BRIP1: variants seen among roughly 807,000 people sequenced by gnomAD.
The protein encoded by BRIP1 is BRCA1 interacting DNA helicase 1, also known as Fanconi anemia group J protein.
BRIP1 carries 88 observed loss-of-function variants against 119.7 expected under a neutral mutation model. The ratio of observed to expected loss-of-function variants is 0.74; its 90% CI spans 0.62 to 0.88. The LOEUF (loss-of-function observed/expected upper bound fraction) is 0.88, where lower values mean the gene tolerates loss of function less well. BRIP1 is among the 40% of genes least tolerant of loss of function. The pLI, the probability that BRIP1 is intolerant of heterozygous loss-of-function variation, is 0.00. For missense variants in BRIP1, 1,259 were observed against 1,455.4 expected, an observed-to-expected ratio of 0.87 and a Z score of 2.20; for synonymous variants, 443 against 496.5, an observed-to-expected ratio of 0.89 and a Z score of 1.43.
chr17:61,778,995 G>C lies in BRIP1; in HGVS notation c.1935+1266C>G, dbSNP rs2077574889. On this transcript the variant is annotated intron_variant, in intron 13 of 19. Transcript: ENST00000259008. The surrounding 1 kb of genome is among the most constrained non-coding windows in gnomAD (Gnocchi z 4.4). ...CATTAACCACAGCTTAACATCACCT[G>C]TGTGCCTAACCACTTTAAAATATTT... is the stretch of plus-strand genomic sequence containing the variant. Among the ~76,000 whole-genome samples the C allele has an allele frequency of 6.6e-6, 1 of 152,158 alleles. No homozygotes were observed.
At chr17:61,850,104 CTT>C (rs144151549) in intron 4 of BRIP1, among the ~76,000 whole-genome samples, 9 of 139,856 alleles carry the variant, frequency 6.4e-5, no homozygotes, top group East Asian at 2.1e-4. Context: ...TTTTAACCAT[CTT>C]TTTTTTTTTT....
rs1043037195 is a variant in BRIP1 at position 61,846,526 on chromosome 17, A to G, written c.627+575T>C. ...CTCAGCCTCCCAAGTAGCTGGGACT[A>G]CAAGTGTGCACCACAACACCCGGCT... On this transcript the variant is annotated intron_variant, in intron 6 of 19. Transcript: ENST00000259008. This position sits in a 1 kb window ranked among gnomAD's most constrained non-coding sequence, Gnocchi z 4.3. Among the ~76,000 whole-genome samples the G allele has an allele frequency of 6.6e-6, 1 of 151,952 alleles. No homozygotes were observed. The highest frequency in any genetic ancestry group is 2.4e-5 in the African/African-American group (1 of 41,372).
In BRIP1 at chr17:61,755,186, G is replaced by A. The variant is rs542838050; in HGVS notation, c.2098-10595C>T. 7.7e-4 allele frequency among the ~76,000 whole-genome samples: 117 copies of A among 152,240 alleles called. 1 individual carries two copies. Among genetic ancestry groups the A allele is most frequent in the African/African-American group, 2.6e-3 (106 of 41,542 alleles). ...TTTTATAAATGAATGAAAAATGAAG[G>A]TCCAAAACAATGGAAGGTCAGGGAG... On this transcript the variant is annotated intron_variant, in intron 14 of 19. Coordinates refer to ENST00000259008, the MANE Select transcript of BRIP1 (RefSeq NM_032043.3). This position sits in a 1 kb window ranked among gnomAD's most constrained non-coding sequence, Gnocchi z 4.5.
intron 14 of BRIP1, among the ~76,000 whole-genome samples, chr17:61,765,851 A>ACACT (rs1332231747): frequency 2.0e-5 from 3 of 151,688 alleles, no homozygotes; most frequent in African/African-American, 7.3e-5. Context: ...ACACACACAC[A>ACACT]CACACACACA....
At position 61,683,370 on chromosome 17, in the gene BRIP1, T is replaced by G. The variant is rs781140410; in HGVS notation, c.3676A>C (p.Thr1226Pro). ...TWINELELGKTHEIEIKNFKP... is the reference protein window; with the variant it reads ...TWINELELGKPHEIEIKNFKP... Reference sequence around the variant, plus strand: ...AAGTTCTTTATTTCTATTTCATGAGTTTTTCCCAGTTCCAGTTCATTTATC... The same window carrying G: ...AAGTTCTTTATTTCTATTTCATGAGGTTTTCCCAGTTCCAGTTCATTTATC... Residue 1226 changes from threonine (T) to proline (P), a missense_variant, in exon 20 of 20, where the codon ACT (threonine) becomes CCT (proline). Around this residue, in one of 3 missense-constraint regions of BRIP1, gnomAD observed 753 missense variants for 891.8 expected, o/e 0.84. Transcript: ENST00000259008. The surrounding 1 kb of genome is among the most constrained non-coding windows in gnomAD (Gnocchi z 4.7). The G allele has an allele frequency of 5.6e-6, 9 of 1,612,286 alleles. No homozygotes were observed. The highest frequency in any genetic ancestry group is 5.5e-5 in the South Asian group (5 of 90,646).
Position 61,842,004 on chromosome 17 carries a change from A to G in BRIP1, c.627+5097T>C, listed in dbSNP as rs2078664975. Among the ~76,000 whole-genome samples, 1 of 152,180 alleles carries G rather than the reference A, an allele frequency of 6.6e-6. No individual in the cohort carries two copies. Among genetic ancestry groups the G allele is most frequent in the Non-Finnish European group, 1.5e-5 (1 of 68,024 alleles). On this transcript the variant is annotated intron_variant, in intron 6 of 19. Transcript: ENST00000259008. This position sits in a 1 kb window ranked among gnomAD's most constrained non-coding sequence, Gnocchi z 5.1. ...CCAACACCATGTTTATTGCAGCGCT[A>G]TTCATAATAGACAAGGAGTTGGCAT...
rs2077083972 is a variant in BRIP1 at position 61,748,154 on chromosome 17, A to G, written c.2098-3563T>C. Among the ~76,000 whole-genome samples, 1 of 152,204 alleles carries G rather than the reference A, an allele frequency of 6.6e-6. No homozygotes were observed. Among genetic ancestry groups the G allele is most frequent in the Admixed American group, 6.5e-5 (1 of 15,276 alleles). ...TGAGTGAGCATTACTGCCTGAGCTCAGTCTCCTGTCAGATCAGCAGCAGCA... is the reference window on the plus strand; with the variant it reads ...TGAGTGAGCATTACTGCCTGAGCTCGGTCTCCTGTCAGATCAGCAGCAGCA... On this transcript the variant is annotated intron_variant, in intron 14 of 19. Coordinates refer to ENST00000259008, the MANE Select transcript of BRIP1 (RefSeq NM_032043.3). The surrounding 1 kb of genome is among the most constrained non-coding windows in gnomAD (Gnocchi z 4.7).
rs2061444042 is a variant in BRIP1 at position 61,691,283 on chromosome 17, AT to A, written c.2575+2146del. On this transcript the variant is annotated intron_variant, in intron 18 of 19. Coordinates refer to ENST00000259008, the MANE Select transcript of BRIP1 (RefSeq NM_032043.3). The surrounding 1 kb of genome is among the most constrained non-coding windows in gnomAD (Gnocchi z 5.0). The stretch of plus-strand genomic sequence containing the variant: ...AAAAAACTCAAACCAGGGAAAAAAA[AT>A]AGCATCAAAAATAATAAAATACCTA... Among the ~76,000 whole-genome samples the A allele has an allele frequency of 2.0e-5, 3 of 152,110 alleles. No homozygotes were observed. The highest frequency in any genetic ancestry group is 3.4e-3 in the Middle Eastern group (1 of 294).
At chr17:61,836,043 C>T (rs907992564) in intron 6 of BRIP1, among the ~76,000 whole-genome samples, 1 of 149,274 alleles carries the variant, frequency 6.7e-6, no homozygotes, top group African/African-American at 2.5e-5. Context: ...TAAGGGAGAA[C>T]ATTTTAATTT....
At chr17:61,711,300 G>A (rs924904546) in intron 17 of BRIP1, among the ~76,000 whole-genome samples, 1 of 151,880 alleles carries the variant, frequency 6.6e-6, no homozygotes, top group Non-Finnish European at 1.5e-5. Context: ...CTTATTTTCC[G>A]CAAATTGAGT....
Position 61,740,471 on chromosome 17 carries a change from A to G in BRIP1, c.2379+2542T>C, listed in dbSNP as rs1320977273. Among the ~76,000 whole-genome samples the G allele has an allele frequency of 1.3e-5, 2 of 152,170 alleles. No individual in the cohort carries two copies. The highest frequency in any genetic ancestry group is 2.9e-5 in the Non-Finnish European group (2 of 68,026). ...ACTCCTGTTGACCAAAGACAGTATA[A>G]GTTGAAAATAAAATAAAATCTGTAT... On this transcript the variant is annotated intron_variant, in intron 16 of 19. Coordinates refer to ENST00000259008, the MANE Select transcript of BRIP1 (RefSeq NM_032043.3). This position sits in a 1 kb window ranked among gnomAD's most constrained non-coding sequence, Gnocchi z 5.4.
At chr17:61,731,987 T>TC (rs555691921) in intron 16 of BRIP1, among the ~76,000 whole-genome samples, 19 of 136,046 alleles carry the variant, frequency 1.4e-4, no homozygotes, top group Non-Finnish European at 2.4e-4. Context: ...CTTTCTTTTT[T>TC]TTTTTTTTTT....
At chr17:61,765,379 T>TTATATA (rs1287538931) in intron 14 of BRIP1, among the ~76,000 whole-genome samples, 64 of 37,740 alleles carry the variant, frequency 1.7e-3, no homozygotes, top group Non-Finnish European at 2.1e-3. Flanking sequence ...TGTGTATATA[T>TTATATA]TATATATATA....
At position 61,760,342 on chromosome 17, in the gene BRIP1, A is replaced by G. The variant is rs2077260916; in HGVS notation, c.2098-15751T>C. The stretch of plus-strand genomic sequence containing the variant: ...TTTACAATAACAAATGCCTACATCA[A>G]AAAAGAAGATCCCAAATAAATAACA... On this transcript the variant is annotated intron_variant, in intron 14 of 19. Coordinates refer to ENST00000259008, the MANE Select transcript of BRIP1 (RefSeq NM_032043.3). The surrounding 1 kb of genome is among the most constrained non-coding windows in gnomAD (Gnocchi z 4.6). Among the ~76,000 whole-genome samples, 1 of 151,962 alleles carries G rather than the reference A, an allele frequency of 6.6e-6. No individual in the cohort carries two copies. The highest frequency in any genetic ancestry group is 2.4e-5 in the African/African-American group (1 of 41,432).
In BRIP1 at chr17:61,845,738, G is replaced by C. The variant is rs891512115; in HGVS notation, c.627+1363C>G. 6.6e-6 allele frequency among the ~76,000 whole-genome samples: 1 copy of C among 152,118 alleles called. No homozygotes were observed. The highest frequency in any genetic ancestry group is 2.4e-5 in the African/African-American group (1 of 41,410). ...CTATCCTACAGGCGCTTCTCCCCAG[G>C]ACATCCATCCTGCTTCTGTATGCAA... On this transcript the variant is annotated intron_variant, in intron 6 of 19. Transcript: ENST00000259008. This position sits in a 1 kb window ranked among gnomAD's most constrained non-coding sequence, Gnocchi z 4.2.
chr17:61,730,383 A>C lies in BRIP1; in HGVS notation c.2379+12630T>G, dbSNP rs549061636. On this transcript the variant is annotated intron_variant, in intron 16 of 19. Coordinates refer to ENST00000259008, the MANE Select transcript of BRIP1 (RefSeq NM_032043.3). This position sits in a 1 kb window ranked among gnomAD's most constrained non-coding sequence, Gnocchi z 4.3. ...AACTAAAATTCTCCTCAAAAGAAAA[A>C]AATTAGTTATTTTCAGAGAAGCTAA... is the stretch of plus-strand genomic sequence containing the variant. Among the ~76,000 whole-genome samples the C allele has an allele frequency of 1.1e-4, 17 of 152,278 alleles. No homozygotes were observed. The highest frequency in any genetic ancestry group is 4.1e-4 in the African/African-American group (17 of 41,560).
rs1400657979 is a variant in BRIP1 at position 61,802,666 on chromosome 17, C to T, written c.919-1192G>A. Among the ~76,000 whole-genome samples, 1 of 152,124 alleles carries T rather than the reference C, an allele frequency of 6.6e-6. No homozygotes were observed. The highest frequency in any genetic ancestry group is 2.4e-5 in the African/African-American group (1 of 41,436). ...ATATATGTACATTGAATTAATGTGC[C>T]ATAGCTGATGAACCAGTTTTCTTAT... is the stretch of plus-strand genomic sequence containing the variant. On this transcript the variant is annotated intron_variant, in intron 7 of 19. Transcript: ENST00000259008. The surrounding 1 kb of genome is among the most constrained non-coding windows in gnomAD (Gnocchi z 6.0).
Position 61,845,778 on chromosome 17 carries a change from T to C in BRIP1, c.627+1323A>G, listed in dbSNP as rs2078718977. Among the ~76,000 whole-genome samples, 2 of 152,188 alleles carry C rather than the reference T, an allele frequency of 1.3e-5. No homozygotes were observed. The highest frequency in any genetic ancestry group is 2.1e-4 in the South Asian group (1 of 4,824). ...TCTGTATGCAAAAGTGTTTTATGAG[T>C]TCTATTCATTTCTTCAGACAGAATG... On this transcript the variant is annotated intron_variant, in intron 6 of 19. Coordinates refer to ENST00000259008, the MANE Select transcript of BRIP1 (RefSeq NM_032043.3). The surrounding 1 kb of genome is among the most constrained non-coding windows in gnomAD (Gnocchi z 4.2).
At chr17:61,749,568 G>C (rs938997811) in intron 14 of BRIP1, among the ~76,000 whole-genome samples, 3 of 152,068 alleles carry the variant, frequency 2.0e-5, no homozygotes, top group Non-Finnish European at 4.4e-5. Flanking sequence ...ACAGCTGTTC[G>C]GAAGGCCATT....
Sources: allele counts gnomAD v4.1 joint callset (sites outside exome capture counted in the v4.1 genomes callset), GRCh38; gene constraint gnomAD v4.1.1; regional missense constraint gnomAD v4.1.1; non-coding constraint Gnocchi (gnomAD v3.1); transcripts MANE v1.5; gene names NCBI Gene and HGNC (gene_info 2026-07-23, HGNC 2026-07-21).